BTBD1: variants seen among roughly 807,000 people sequenced by gnomAD.
BTBD1 encodes BTB/POZ domain-containing protein 1.
A neutral mutation model predicts 48.0 loss-of-function variants in BTBD1; 34 were observed. That is an observed-to-expected ratio of 0.71 (90% CI 0.54 to 0.94). The LOEUF is 0.94. Ranked by LOEUF, BTBD1 falls within the 40% of genes least tolerant of loss-of-function variation. BTBD1 has a pLI of 0.00. For synonymous variants in BTBD1, 261 were observed against 242.1 expected (o/e 1.08, Z -0.72); for missense variants, 543 against 625.6 (o/e 0.87, Z 1.41).
At chr15:83,059,410 T>C (rs2033141885) in intron 1 of BTBD1, among the ~76,000 whole-genome samples, 1 of 152,090 alleles carries the variant, frequency 6.6e-6, no homozygotes, top group Non-Finnish European at 1.5e-5. Context: ...GCCGGCATGG[T>C]GGCGGGCGCC....
At chr15:83,034,741 A>T (rs1328912360) in intron 4 of BTBD1, among the ~76,000 whole-genome samples, 2 of 152,216 alleles carry the variant, frequency 1.3e-5, no homozygotes, top group Non-Finnish European at 2.9e-5. Context: ...TAAAGAAGAA[A>T]ATAAAGAAGA....
At chr15:83,066,436 T>C (rs1433124893) in intron 1 of BTBD1, among the ~76,000 whole-genome samples, 2 of 152,164 alleles carry the variant, frequency 1.3e-5, no homozygotes, top group African/African-American at 4.8e-5. Flanking sequence ...TGCCCCTCTA[T>C]CCTTGCCACT....
intron 2 of BTBD1, among the ~76,000 whole-genome samples, chr15:83,052,810 T>G (rs1288500754): frequency 6.9e-6 from 1 of 144,496 alleles, no homozygotes; most frequent in South Asian, 2.2e-4. Context: ...TTTTTTTTTT[T>G]TTTTTTTTTT....
Position 83,066,874 on chromosome 15 carries a change from T to A in BTBD1, c.278A>T (p.His93Leu), listed in dbSNP as rs1567115818. 1 of 1,482,410 alleles carries A rather than the reference T, an allele frequency of 6.7e-7. No homozygotes were observed. The highest frequency in any genetic ancestry group is 8.9e-7 in the Non-Finnish European group (1 of 1,119,740). The allele number at this position is 1,482,410 out of a possible 1,614,324, so 91.8% of individuals were successfully genotyped here. ...AAGGPQRIPAHRFVLAAGSAV... is the reference protein window; with the variant it reads ...AAGGPQRIPALRFVLAAGSAV... Reference sequence around the variant, plus strand: ...GCTGCCGGCCGCCAGCACGAAGCGGTGGGCGGGGATGCGCTGCGGGCCCCC... The same window carrying A: ...GCTGCCGGCCGCCAGCACGAAGCGGAGGGCGGGGATGCGCTGCGGGCCCCC... The change falls in exon 1 of 8, where the codon CAC becomes CTC. Residue 93 changes from histidine (H) to leucine (L), a missense_variant. By Grantham distance (99) the His-to-Leu change is moderately conservative. Coordinates refer to ENST00000261721, the MANE Select transcript of BTBD1 (RefSeq NM_025238.4).
At chr15:83,029,773 G>C (rs2032480627) in intron 5 of BTBD1, 1 of 215,554 alleles carries the variant, frequency 4.6e-6, no homozygotes, top group African/African-American at 2.4e-5. Context: ...AGGAGGCTGA[G>C]GTGGGAGGAT....
chr15:83,046,425 T>C (rs1209994601), intron 3 of BTBD1, among the ~76,000 whole-genome samples: 3 of 152,176 alleles, frequency 2.0e-5, no homozygotes, highest in African/African-American at 7.2e-5. Context: ...ACACAGCAGA[T>C]TGTTTCATAA....
chr15:83,042,674 G>A (rs1345507270), intron 3 of BTBD1, among the ~76,000 whole-genome samples: 3 of 152,078 alleles, frequency 2.0e-5, no homozygotes, highest in Non-Finnish European at 2.9e-5. Flanking sequence ...GTGAGCCACC[G>A]CGCCCAGCCA....
chr15:83,058,791 A>C (rs2033130366), intron 1 of BTBD1, among the ~76,000 whole-genome samples: 1 of 152,176 alleles, frequency 6.6e-6, no homozygotes, highest in African/African-American at 2.4e-5. Flanking sequence ...ACTTAACAGG[A>C]CAAGTGCCGC....
At chr15:83,046,123 T>C (rs1294256194) in intron 3 of BTBD1, among the ~76,000 whole-genome samples, 1 of 152,044 alleles carries the variant, frequency 6.6e-6, no homozygotes, top group Non-Finnish European at 1.5e-5. Context: ...GGGCTAGGCA[T>C]AATAGTTCAC....
intron 2 of BTBD1, among the ~76,000 whole-genome samples, chr15:83,051,328 A>G (rs554898936): frequency 1.3e-5 from 2 of 152,258 alleles, no homozygotes; most frequent in Non-Finnish European, 2.9e-5. Flanking sequence ...ATTTTAAAGT[A>G]AAATTCATTT....
At chr15:83,059,431 G>A (rs900728431) in intron 1 of BTBD1, among the ~76,000 whole-genome samples, 8 of 152,122 alleles carry the variant, frequency 5.3e-5, no homozygotes, top group African/African-American at 1.9e-4. Context: ...TGTAATCCCA[G>A]CTACTCAGGA....
At chr15:83,058,488 C>T (rs904924749) in intron 1 of BTBD1, among the ~76,000 whole-genome samples, 1 of 152,132 alleles carries the variant, frequency 6.6e-6, no homozygotes, top group African/African-American at 2.4e-5. Context: ...TCATGCCTGT[C>T]ATCCCAGCTA....
At chr15:83,047,012 C>A (rs1487220225) in intron 3 of BTBD1, among the ~76,000 whole-genome samples, 3 of 152,190 alleles carry the variant, frequency 2.0e-5, no homozygotes, top group Non-Finnish European at 4.4e-5. Context: ...TTATTCTAGA[C>A]ACAGCCAGTC....
chr15:83,049,676 A>G (rs769507530), intron 3 of BTBD1, among the ~76,000 whole-genome samples: 3 of 152,102 alleles, frequency 2.0e-5, no homozygotes, highest in Non-Finnish European at 4.4e-5. Context: ...TGCTGTACCG[A>G]CTATTTCATC....
intron 6 of BTBD1, among the ~76,000 whole-genome samples, chr15:83,019,509 C>CA (rs1479774978): frequency 4.6e-5 from 7 of 151,838 alleles, no homozygotes; most frequent in Non-Finnish European, 1.0e-4. Context: ...TTATTTTACT[C>CA]ACAGTATTTA....
chr15:83,025,593 T>C (rs1269614364), intron 5 of BTBD1, among the ~76,000 whole-genome samples: 3 of 152,080 alleles, frequency 2.0e-5, no homozygotes, highest in African/African-American at 7.2e-5. Context: ...ATGAATGGGA[T>C]TATTCACAAT....
chr15:83,058,837 C>T (rs1437438861), intron 1 of BTBD1, among the ~76,000 whole-genome samples: 3 of 151,956 alleles, frequency 2.0e-5, no homozygotes, highest in Non-Finnish European at 4.4e-5. Context: ...TCTATAAATG[C>T]GGGCTTTGAC....
intron 3 of BTBD1, among the ~76,000 whole-genome samples, chr15:83,046,622 G>T (rs2032884277): frequency 6.6e-6 from 1 of 150,412 alleles, no homozygotes; most frequent in African/African-American, 2.5e-5. Flanking sequence ...CTTCAAATGA[G>T]AACACACTGA....
rs1255405306 is a variant in BTBD1, at chr15:83,067,069, G to C, written c.83C>G (p.Pro28Arg). 6.4e-7 allele frequency: 1 copy of C among 1,555,462 alleles called. No individual in the cohort carries two copies. The highest frequency in any genetic ancestry group is 1.2e-5 in the South Asian group (1 of 85,466). ...AEPGPAGPPP[P>R]PSPSSLGPLL... Reference sequence around the variant, plus strand: ...GGGCCCCAGAGAGGACGGTGAGGGCGGCGGCGGCGGCCCCGCGGGGCCCGG... The same window carrying C: ...GGGCCCCAGAGAGGACGGTGAGGGCCGCGGCGGCGGCCCCGCGGGGCCCGG... The change falls in exon 1 of 8, where the codon CCG (proline) becomes CGG (arginine). Residue 28 changes from proline (P) to arginine (R), a missense_variant. Physicochemically the swap from Pro to Arg is moderately radical, Grantham distance 103. Around this residue, in one of 3 missense-constraint regions of BTBD1, gnomAD observed 173 missense variants for 163.9 expected, o/e 1.06. Coordinates refer to ENST00000261721, the MANE Select transcript of BTBD1 (RefSeq NM_025238.4).
Sources: allele counts gnomAD v4.1 joint callset (sites outside exome capture counted in the v4.1 genomes callset), GRCh38; gene constraint gnomAD v4.1.1; regional missense constraint gnomAD v4.1.1; transcripts MANE v1.5; gene names NCBI Gene and HGNC (gene_info 2026-07-23, HGNC 2026-07-21).